The following ROBO2 variants were observed in gnomAD, a reference collection of about 807,000 sequenced individuals.
ROBO2 encodes the protein roundabout homolog 2.
In ROBO2, 53 loss-of-function variants were observed where a neutral mutation model predicts 160.8. That is an observed-to-expected ratio of 0.33 (90% CI 0.26 to 0.41). ROBO2 has a LOEUF of 0.41. Ranked by LOEUF, ROBO2 falls within the 10% of genes least tolerant of loss-of-function variation. ROBO2 has a pLI of 1.00. For synonymous variants in ROBO2, 664 were observed against 611.7 expected (o/e 1.09, Z -1.26); for missense variants, 1,577 against 1,722.4 (o/e 0.92, Z 1.49).
intron 2 of ROBO2, among the ~76,000 whole-genome samples, chr3:76,026,772 G>A (rs1400020693): frequency 6.6e-6 from 1 of 151,942 alleles, no homozygotes; most frequent in Non-Finnish European, 1.5e-5. Flanking sequence ...AGTAGGGAAG[G>A]TGATGAAGTA....
intron 2 of ROBO2, among the ~76,000 whole-genome samples, chr3:76,989,851 T>C (rs2149364600): frequency 6.6e-6 from 1 of 152,280 alleles, no homozygotes; most frequent in East Asian, 1.9e-4. Flanking sequence ...TATGTGTGTG[T>C]CCACAGGCCC....
intron 2 of ROBO2, among the ~76,000 whole-genome samples, chr3:77,419,670 A>G (rs2153530877): frequency 6.6e-6 from 1 of 152,278 alleles, no homozygotes; most frequent in Non-Finnish European, 1.5e-5. Context: ...TATTAAGGCT[A>G]TAGTACACAT....
intron 2 of ROBO2, among the ~76,000 whole-genome samples, chr3:76,384,629 G>A (rs749680816): frequency 3.3e-5 from 5 of 152,134 alleles, no homozygotes; most frequent in Non-Finnish European, 5.9e-5. Context: ...CCACAGGACT[G>A]GGGAGGCCTC....
intron 2 of ROBO2, among the ~76,000 whole-genome samples, chr3:75,996,660 G>A (rs187730090): frequency 6.6e-6 from 1 of 152,222 alleles, no homozygotes; most frequent in African/African-American, 2.4e-5. Flanking sequence ...TTCTCTGATA[G>A]TATACACTGT....
intron 2 of ROBO2, among the ~76,000 whole-genome samples, chr3:77,243,129 C>T (rs1370387412): frequency 6.6e-6 from 1 of 151,914 alleles, no homozygotes; most frequent in Non-Finnish European, 1.5e-5. Flanking sequence ...TTAGTTATAG[C>T]AAAGCGTCAT....
At chr3:77,330,384 G>A (rs984018050) in intron 2 of ROBO2, among the ~76,000 whole-genome samples, 7 of 152,148 alleles carry the variant, frequency 4.6e-5, no homozygotes, top group African/African-American at 1.7e-4. Context: ...CTGGTGTGGT[G>A]GCACATGCCG....
At chr3:76,350,266 G>A (rs956123230) in intron 2 of ROBO2, among the ~76,000 whole-genome samples, 1 of 151,970 alleles carries the variant, frequency 6.6e-6, no homozygotes, top group East Asian at 1.9e-4. Flanking sequence ...GGAGATAATT[G>A]CTTTGCTTTG....
intron 2 of ROBO2, among the ~76,000 whole-genome samples, chr3:77,182,998 C>A (rs1331904057): frequency 1.3e-5 from 2 of 151,968 alleles, no homozygotes; most frequent in Admixed American, 6.6e-5. Context: ...AAACAAAAAA[C>A]CTTTACTTGA....
intron 2 of ROBO2, among the ~76,000 whole-genome samples, chr3:76,255,957 T>G (rs367618875): frequency 2.6e-5 from 4 of 152,192 alleles, no homozygotes; most frequent in South Asian, 4.1e-4. Flanking sequence ...TCAGATACTT[T>G]CTTATAGATA....
chr3:76,070,768 T>G (rs2068428334), intron 2 of ROBO2, among the ~76,000 whole-genome samples: 1 of 152,088 alleles, frequency 6.6e-6, no homozygotes, highest in Non-Finnish European at 1.5e-5. Flanking sequence ...AATTTCTCTC[T>G]TTCATACTCT....
intron 2 of ROBO2, among the ~76,000 whole-genome samples, chr3:77,147,546 A>G (rs895950670): frequency 6.6e-6 from 1 of 152,210 alleles, no homozygotes; most frequent in Admixed American, 6.5e-5. Flanking sequence ...AAATTGTATT[A>G]ATTATTACCA....
At chr3:76,628,835 A>G (rs9849414) in intron 2 of ROBO2, among the ~76,000 whole-genome samples, 95,685 of 152,124 alleles carry the variant, frequency 0.63, 30,386 homozygotes, top group East Asian at 0.73. Flanking sequence ...CTCCATAAAT[A>G]AAAGACAGGG....
At chr3:76,755,773 T>C (rs2060937035) in intron 2 of ROBO2, among the ~76,000 whole-genome samples, 1 of 151,892 alleles carries the variant, frequency 6.6e-6, no homozygotes, top group Admixed American at 6.6e-5. Flanking sequence ...ATGGGGTTAA[T>C]ATTTGTACTT....
At chr3:76,535,492 C>G (rs1264853765) in intron 2 of ROBO2, among the ~76,000 whole-genome samples, 1 of 151,726 alleles carries the variant, frequency 6.6e-6, no homozygotes, top group Non-Finnish European at 1.5e-5. Context: ...CCCATACTTG[C>G]AGATTGAGGT....
chr3:76,553,035 G>A (rs555326555), intron 2 of ROBO2, among the ~76,000 whole-genome samples: 1 of 152,270 alleles, frequency 6.6e-6, no homozygotes, highest in African/African-American at 2.4e-5. Flanking sequence ...GCAAGTGGTG[G>A]GGTAGACGGC....
At chr3:76,750,411 A>C (rs2093963939) in intron 2 of ROBO2, among the ~76,000 whole-genome samples, 1 of 151,910 alleles carries the variant, frequency 6.6e-6, no homozygotes, top group African/African-American at 2.4e-5. Context: ...CTCTCTCACC[A>C]CTCCTATTCA....
At chr3:77,186,033 G>T (rs2081254513) in intron 2 of ROBO2, among the ~76,000 whole-genome samples, 1 of 151,930 alleles carries the variant, frequency 6.6e-6, no homozygotes, top group Admixed American at 6.6e-5. Flanking sequence ...TAGGGGGAAA[G>T]GATGGAAAGG....
chr3:77,550,168 G>A (rs2092862248), intron 7 of ROBO2, among the ~76,000 whole-genome samples: 1 of 151,888 alleles, frequency 6.6e-6, no homozygotes, highest in African/African-American at 2.4e-5. Flanking sequence ...ATTGTTTAAG[G>A]TAACACACTT....
At chr3:77,418,432 A>G (rs1270294131) in intron 2 of ROBO2, among the ~76,000 whole-genome samples, 2 of 152,134 alleles carry the variant, frequency 1.3e-5, no homozygotes, top group African/African-American at 2.4e-5. Context: ...TCATGGCTCA[A>G]TTTACCAAAG....
Sources: gnomAD v4.1 joint callset for allele counts (sites outside exome capture counted in the v4.1 genomes callset) on GRCh38, gnomAD v4.1.1 for gene constraint, MANE v1.5 for transcripts, NCBI Gene and HGNC (gene_info 2026-07-23, HGNC 2026-07-21) for gene names.